Variants in SHANK2 observed in about 807,000 individuals in gnomAD.
The protein encoded by SHANK2 is SH3 and multiple ankyrin repeat domains 2, also known as SH3 and multiple ankyrin repeat domains protein 2.
Under a neutral mutation model 133.7 loss-of-function variants are expected in SHANK2, and 43 were observed. That is an observed-to-expected ratio of 0.32 (90% CI 0.25 to 0.41). The LOEUF (loss-of-function observed/expected upper bound fraction) is 0.41. Ranked by LOEUF, SHANK2 falls within the 10% of genes least tolerant of loss-of-function variation. The pLI, the probability that SHANK2 is intolerant of heterozygous loss-of-function variation, is 1.00. For synonymous variants in SHANK2, 1,017 were observed against 952.8 expected, an observed-to-expected ratio of 1.07 and a Z score of -1.24; for missense variants, 1,994 against 2,235.8, an observed-to-expected ratio of 0.89 and a Z score of 2.18.
rs957663000 is a variant in SHANK2, at chr11:70,674,629, G to A, written c.1854-12951C>T. On this transcript the variant is annotated intron_variant, in intron 15 of 25. Transcript: ENST00000601538. The stretch of plus-strand genomic sequence containing the variant: ...CTCCCAAAGTGTTGGGATTAGAGGC[G>A]TGAGCCACAATGTCCAGCCAATGAT... 4.6e-5 allele frequency among the ~76,000 whole-genome samples: 7 copies of A among 152,226 alleles called. 1 individual carries two copies. Among genetic ancestry groups the A allele is most frequent in the Admixed American group, 2.6e-4 (4 of 15,284 alleles).
At chr11:71,150,654 G>A (rs1952778779) in intron 2 of SHANK2, among the ~76,000 whole-genome samples, 1 of 151,912 alleles carries the variant, frequency 6.6e-6, no homozygotes, top group Admixed American at 6.6e-5. Context: ...TTCATGTCCA[G>A]CGCATGTTCT....
intron 14 of SHANK2, among the ~76,000 whole-genome samples, chr11:70,750,809 G>A (rs138144455): frequency 1.2e-4 from 19 of 152,260 alleles, no homozygotes; most frequent in African/African-American, 3.9e-4. Context: ...GATCTCAATC[G>A]CAAGCCAAGG....
chr11:70,703,076 C>A (rs1555024133), intron 14 of SHANK2, among the ~76,000 whole-genome samples: 1 of 152,240 alleles, frequency 6.6e-6, no homozygotes, highest in African/African-American at 2.4e-5. Flanking sequence ...AGTCTGTCAG[C>A]AGCAGTGTGG....
intron 4 of SHANK2, among the ~76,000 whole-genome samples, chr11:71,114,765 G>A (rs1555100014): frequency 2.6e-5 from 4 of 152,190 alleles, no homozygotes; most frequent in Non-Finnish European, 1.5e-5. Context: ...CTCTGGTCCA[G>A]ATTTCAGAAG....
chr11:70,545,273 A>G (rs1402004274), intron 17 of SHANK2, among the ~76,000 whole-genome samples: 1 of 152,218 alleles, frequency 6.6e-6, no homozygotes, highest in Non-Finnish European at 1.5e-5. Context: ...TTTGTGTGCC[A>G]GTCTCGTCTT....
rs1389971144 is a variant in SHANK2 at position 70,569,972 on chromosome 11, G to C, written c.2062-67041C>G. On this transcript the variant is annotated intron_variant, in intron 17 of 25. Coordinates refer to ENST00000601538, the MANE Select transcript of SHANK2 (RefSeq NM_012309.5). The surrounding 1 kb of genome is among the most constrained non-coding windows in gnomAD (Gnocchi z 5.1). ...GAGAGAGAAGGGAGTGAGAGACAGA[G>C]ACAGGCCCCCAGCACCATTGTGGAC... Among the ~76,000 whole-genome samples the C allele has an allele frequency of 6.6e-6, 1 of 152,046 alleles. No homozygotes were observed. Among genetic ancestry groups the C allele is most frequent in the Non-Finnish European group, 1.5e-5 (1 of 68,008 alleles).
Position 71,088,568 on chromosome 11 carries a change from G to A in SHANK2, c.912+3854C>T, listed in dbSNP as rs1028080560. Among the ~76,000 whole-genome samples, 16 of 152,310 alleles carry A rather than the reference G, an allele frequency of 1.1e-4. 1 individual carries two copies. Among genetic ancestry groups the A allele is most frequent in the South Asian group, 1.0e-3 (5 of 4,820 alleles). On this transcript the variant is annotated intron_variant, in intron 8 of 25. Coordinates refer to ENST00000601538, the MANE Select transcript of SHANK2 (RefSeq NM_012309.5). Reference sequence around the variant, plus strand: ...AACTCAGCCTTGTCCCCTGGGGGCCGGCAGCTGTTCGGTGGAGACCCTGTG... The same window carrying A: ...AACTCAGCCTTGTCCCCTGGGGGCCAGCAGCTGTTCGGTGGAGACCCTGTG...
chr11:71,202,200 T>C (rs1281229127), intron 2 of SHANK2, among the ~76,000 whole-genome samples: 1 of 152,242 alleles, frequency 6.6e-6, no homozygotes, highest in Non-Finnish European at 1.5e-5. Context: ...CACACCCTTC[T>C]GCCGGGTGGC....
intron 15 of SHANK2, among the ~76,000 whole-genome samples, chr11:70,687,061 G>A (rs1945172412): frequency 6.6e-6 from 1 of 152,228 alleles, no homozygotes; most frequent in Admixed American, 6.5e-5. Flanking sequence ...AGGGTTTGCA[G>A]TTTTGTCTAA....
At chr11:70,724,709 C>T (rs771473008) in intron 14 of SHANK2, among the ~76,000 whole-genome samples, 11 of 152,378 alleles carry the variant, frequency 7.2e-5, no homozygotes, top group Non-Finnish European at 1.6e-4. Context: ...GTGTCGACAC[C>T]TGCAGCCAGG....
At chr11:70,743,175 G>A (rs1305703681) in intron 14 of SHANK2, among the ~76,000 whole-genome samples, 1 of 152,246 alleles carries the variant, frequency 6.6e-6, no homozygotes, top group African/African-American at 2.4e-5. Flanking sequence ...TAACAGCACA[G>A]CCAGGAACGC....
intron 10 of SHANK2, among the ~76,000 whole-genome samples, chr11:70,912,718 C>T (rs1005190731): frequency 2.0e-5 from 3 of 152,184 alleles, no homozygotes; most frequent in African/African-American, 4.8e-5. Flanking sequence ...CTCAGAAGAT[C>T]GGCACTCACC....
At chr11:71,211,904 A>G (rs1423691219) in intron 2 of SHANK2, among the ~76,000 whole-genome samples, 1 of 152,130 alleles carries the variant, frequency 6.6e-6, no homozygotes, top group Non-Finnish European at 1.5e-5. Flanking sequence ...TGCCTGAATC[A>G]CTTCAAAATA....
chr11:70,930,015 GCTC>G (rs1555082227), intron 10 of SHANK2, among the ~76,000 whole-genome samples: 1 of 152,198 alleles, frequency 6.6e-6, no homozygotes. Flanking sequence ...CTCTGTCACA[GCTC>G]CTCAACTCTG....
intron 17 of SHANK2, among the ~76,000 whole-genome samples, chr11:70,580,190 G>A (rs547880679): frequency 3.3e-5 from 5 of 152,348 alleles, no homozygotes; most frequent in African/African-American, 9.6e-5. Flanking sequence ...AGGCTGCTGC[G>A]AAGGGACACT....
chr11:70,791,731 A>G (rs1308866081), intron 14 of SHANK2, among the ~76,000 whole-genome samples: 1 of 152,210 alleles, frequency 6.6e-6, no homozygotes, highest in Non-Finnish European at 1.5e-5. Flanking sequence ...CTGCATGAGA[A>G]ACACTGTCCT....
At chr11:70,751,066 A>G (rs572388491) in intron 14 of SHANK2, among the ~76,000 whole-genome samples, 1 of 152,348 alleles carries the variant, frequency 6.6e-6, no homozygotes, top group South Asian at 2.1e-4. Context: ...AGATGTGTCA[A>G]AAGCAGAATA....
At chr11:71,170,731 C>G (rs1444340539) in intron 2 of SHANK2, among the ~76,000 whole-genome samples, 5 of 152,320 alleles carry the variant, frequency 3.3e-5, no homozygotes, top group African/African-American at 1.2e-4. Context: ...AGCCCACGCT[C>G]AAAGGGGTCT....
At chr11:70,507,991 A>G (rs111438909) in intron 17 of SHANK2, among the ~76,000 whole-genome samples, 4,697 of 152,310 alleles carry the variant, frequency 0.031, 112 homozygotes, top group South Asian at 0.089. Context: ...TGCAACGCAC[A>G]TTTGCTTTGC....
Sources: gnomAD v4.1 joint callset for allele counts (sites outside exome capture counted in the v4.1 genomes callset) on GRCh38, gnomAD v4.1.1 for gene constraint, Gnocchi (gnomAD v3.1) non-coding constraint, MANE v1.5 for transcripts, NCBI Gene and HGNC (gene_info 2026-07-23, HGNC 2026-07-21) for gene names.